Variants in XRCC5 observed in about 807,000 individuals in gnomAD.
The protein encoded by XRCC5 is DNA repair protein Ku80.
Under a neutral mutation model 95.7 loss-of-function variants are expected in XRCC5, and 12 were observed. That is an observed-to-expected ratio of 0.13 (90% CI 0.08 to 0.20). The LOEUF is 0.20. XRCC5 is among the 10% of genes least tolerant of loss of function. The pLI is 1.00. For missense variants in XRCC5, 595 were observed against 873.9 expected (o/e 0.68, Z 4.02); for synonymous variants, 281 against 290.3 (o/e 0.97, Z 0.33).
intron 16 of XRCC5, among the ~76,000 whole-genome samples, chr2:216,185,198 C>T (rs1048259799): frequency 2.0e-5 from 3 of 152,182 alleles, no homozygotes; most frequent in African/African-American, 7.2e-5. Flanking sequence ...GCACCATTCT[C>T]AGTTGGCTTT....
In XRCC5 at chr2:216,134,681, CCT is replaced by C. The variant is rs1491543973; in HGVS notation, c.1113+2296_1113+2297del. Among the ~76,000 whole-genome samples, 1,255 of 151,038 alleles carry C rather than the reference CCT, an allele frequency of 8.3e-3. 19 individuals carry two copies. Among genetic ancestry groups the C allele is most frequent in the African/African-American group, 0.027 (1,097 of 40,774 alleles). ...TGACCTCAGGTGATCCACCCCCCCC[CCT>C]CCTCGGCCTCCCAAAGTGTTGGGAT... is the stretch of plus-strand genomic sequence containing the variant. On this transcript the variant is annotated intron_variant, in intron 10 of 20. Coordinates refer to ENST00000392132, the MANE Select transcript of XRCC5 (RefSeq NM_021141.4).
intron 4 of XRCC5, 61 bp downstream of exon 4, chr2:216,117,855 T>C (rs955151738): frequency 4.7e-6 from 7 of 1,477,354 alleles, no homozygotes; most frequent in African/African-American, 2.8e-5. Context: ...TATGGGTTAA[T>C]GTATTGAATG....
chr2:216,110,619 G>A (rs1457587810), intron 1 of XRCC5: 3 of 152,152 alleles, frequency 2.0e-5, no homozygotes, highest in African/African-American at 7.2e-5. Context: ...CTGCCAGATA[G>A]GAACTCAGAA....
chr2:216,119,221 A>G, intron 5 of XRCC5, 56 bp downstream of exon 5: 1 of 1,598,812 alleles, frequency 6.3e-7, no homozygotes, highest in African/African-American at 1.3e-5. Flanking sequence ...TAATATAGTG[A>G]ATGGGCCCTC....
chr2:216,131,238 G>A (rs1050732121), intron 9 of XRCC5: 2 of 985,334 alleles, frequency 2.0e-6, no homozygotes, highest in African/African-American at 1.7e-5. Flanking sequence ...GAATGGAAGC[G>A]GAGATGAGGG....
intron 14 of XRCC5, among the ~76,000 whole-genome samples, chr2:216,159,664 C>T (rs1688913079): frequency 6.6e-6 from 1 of 152,188 alleles, no homozygotes; most frequent in Non-Finnish European, 1.5e-5. Context: ...ACATGGAAAG[C>T]TAATAGCTGT....
Position 216,190,253 on chromosome 2 carries a change from A to G in XRCC5, c.1863A>G (p.Glu621=). 1 of 1,613,948 alleles carries G rather than the reference A, an allele frequency of 6.2e-7. No homozygotes were observed. Among genetic ancestry groups the G allele is most frequent in the Non-Finnish European group, 8.5e-7 (1 of 1,179,930 alleles). Residue 621 remains glutamate (E), a synonymous_variant, in exon 17 of 21, where the codon GAA becomes GAG. Transcript: ENST00000392132. ...GTAACCAGCTCATAAATCACATCGAACAGTTTTTGGATACTAATGAAACAC... is the reference window on the plus strand; with the variant it reads ...GTAACCAGCTCATAAATCACATCGAGCAGTTTTTGGATACTAATGAAACAC... The part of the protein sequence containing the change: ...EASNQLINHI[E]QFLDTNETPY...
intron 16 of XRCC5, among the ~76,000 whole-genome samples, chr2:216,168,133 T>C (rs6753002): frequency 0.3 from 45,376 of 152,094 alleles, 7,549 homozygotes; most frequent in South Asian, 0.46. Flanking sequence ...GGGTGTGTTA[T>C]CTGACATCGT....
chr2:216,198,881 G>C (rs1689783326), intron 19 of XRCC5, among the ~76,000 whole-genome samples: 1 of 152,146 alleles, frequency 6.6e-6, no homozygotes, highest in African/African-American at 2.4e-5. Context: ...AATGGCATCT[G>C]TTGATTTTTG....
At chr2:216,121,984 G>A in intron 5 of XRCC5, 78 bp from the exon 6 acceptor site, 4 of 1,281,066 alleles carry the variant, frequency 3.1e-6, no homozygotes, top group South Asian at 3.5e-5. Context: ...AAGGTTGACT[G>A]ATGTGCTCAT....
chr2:216,155,760 T>G (rs1433383852), intron 14 of XRCC5, among the ~76,000 whole-genome samples: 2 of 152,184 alleles, frequency 1.3e-5, no homozygotes, highest in Non-Finnish European at 2.9e-5. Context: ...CATAAAGCAG[T>G]ACTGTGTAAC....
chr2:216,127,021 G>A (rs1410118599), intron 7 of XRCC5, among the ~76,000 whole-genome samples: 8 of 152,064 alleles, frequency 5.3e-5, no homozygotes, highest in Non-Finnish European at 1.0e-4. Flanking sequence ...AGAGGCTGAG[G>A]TGAGCAGATC....
rs771408433 is a variant in XRCC5 at position 216,132,357 on chromosome 2, T to C, written c.1083T>C (p.Val361=). Residue 361 remains valine (V), a synonymous_variant, in exon 10 of 21, where the codon GTT becomes GTC. Transcript: ENST00000392132. ...GAAGATTCTTCATGGGAAATCAAGT[T>C]CTAAAGGTCTTTGCAGCAAGAGATG... ...VQRRFFMGNQ[V]LKVFAARDDE... is the part of the protein sequence containing the mutation. 1.2e-6 allele frequency: 2 copies of C among 1,614,050 alleles called. No individual in the cohort carries two copies. Among genetic ancestry groups the C allele is most frequent in the South Asian group, 1.1e-5 (1 of 91,074 alleles).
At chr2:216,131,281 C>CT (rs1696990157) in intron 9 of XRCC5, 1 of 982,986 alleles carries the variant, frequency 1.0e-6, no homozygotes, top group South Asian at 4.7e-5. Context: ...ACCCTCATCC[C>CT]TTTGAGGTTC....
intron 3 of XRCC5, 155 bp from the exon 4 acceptor site, chr2:216,117,591 T>G (rs933719412): frequency 4.8e-6 from 3 of 627,642 alleles, no homozygotes; most frequent in Non-Finnish European, 8.6e-6. Context: ...TGAATATATG[T>G]TAGTGAACTT....
chr2:216,202,601 C>T (rs1689855111), intron 19 of XRCC5, among the ~76,000 whole-genome samples: 1 of 152,182 alleles, frequency 6.6e-6, no homozygotes, highest in African/African-American at 2.4e-5. Context: ...GGGATTTCCT[C>T]TCTCTTATAC....
intron 19 of XRCC5, among the ~76,000 whole-genome samples, chr2:216,196,899 AC>A (rs1447713436): frequency 6.6e-6 from 1 of 152,200 alleles, no homozygotes; most frequent in African/African-American, 2.4e-5. Context: ...TGGTGTGAAG[AC>A]CTATCAATCA....
intron 16 of XRCC5, chr2:216,174,811 T>A (rs1322077594): frequency 5.0e-6 from 1 of 198,624 alleles, no homozygotes; most frequent in Non-Finnish European, 1.0e-5. Flanking sequence ...GCATTTGGGA[T>A]GACTATCTCA....
At chr2:216,164,401 C>G (rs368466487) in intron 16 of XRCC5, among the ~76,000 whole-genome samples, 1 of 152,228 alleles carries the variant, frequency 6.6e-6, no homozygotes, top group African/African-American at 2.4e-5. Flanking sequence ...ATTGTGCTAG[C>G]ACTTTTATGT....
Sources: allele counts gnomAD v4.1 joint callset (sites outside exome capture counted in the v4.1 genomes callset), GRCh38; gene constraint gnomAD v4.1.1; transcripts MANE v1.5; gene names NCBI Gene and HGNC (gene_info 2026-07-23, HGNC 2026-07-21).